CDK18: variants seen among roughly 807,000 people sequenced by gnomAD.
The protein encoded by CDK18 is cyclin-dependent kinase 18.
CDK18 carries 52 observed loss-of-function variants against 62.0 expected under a neutral mutation model. That is an observed-to-expected ratio of 0.84 (90% confidence interval 0.67 to 1.06). The LOEUF (loss-of-function observed/expected upper bound fraction) is 1.06. Ranked by LOEUF, CDK18 falls within the 50% of genes least tolerant of loss-of-function variation. CDK18 has a pLI of 0.00. For synonymous variants in CDK18, 237 were observed against 247.0 expected (o/e 0.96, Z 0.38); for missense variants, 604 against 619.9 (o/e 0.97, Z 0.27).
chr1:205,513,582 G>A (rs180796643), intron 1 of CDK18, among the ~76,000 whole-genome samples: 6 of 152,368 alleles, frequency 3.9e-5, no homozygotes, highest in African/African-American at 1.4e-4. Context: ...GAGCCACACA[G>A]AGGGGCTAGA....
intron 1 of CDK18, among the ~76,000 whole-genome samples, chr1:205,505,122 C>A (rs1667242818): frequency 6.6e-6 from 1 of 152,152 alleles, no homozygotes; most frequent in African/African-American, 2.4e-5. Context: ...CATCTGGGAT[C>A]ACTTTGGCCC....
intron 3 of CDK18, 137 bp downstream of exon 3, chr1:205,523,762 A>G: frequency 8.8e-7 from 1 of 1,141,694 alleles, no homozygotes. Flanking sequence ...TGTGACTTTG[A>G]GCAAGTTACT....
intron 11 of CDK18, 69 bp from the exon 12 acceptor site, chr1:205,529,255 C>A: frequency 6.9e-7 from 1 of 1,450,342 alleles, no homozygotes; most frequent in Admixed American, 1.7e-5. Context: ...TCATACATTG[C>A]ATCCCTTTCA....
intron 1 of CDK18, among the ~76,000 whole-genome samples, chr1:205,521,156 G>A (rs1668101996): frequency 6.6e-6 from 1 of 152,198 alleles, no homozygotes; most frequent in African/African-American, 2.4e-5. Flanking sequence ...CCCTTTACTT[G>A]CCTCTGAAAC....
intron 1 of CDK18, among the ~76,000 whole-genome samples, chr1:205,509,354 G>A (rs752607933): frequency 3.6e-4 from 54 of 152,032 alleles, no homozygotes; most frequent in Admixed American, 1.5e-3. Context: ...TGGTGGAGTC[G>A]GGATAGACAA....
chr1:205,511,114 C>T (rs1446171841), intron 1 of CDK18, among the ~76,000 whole-genome samples: 1 of 152,226 alleles, frequency 6.6e-6, no homozygotes, highest in Non-Finnish European at 1.5e-5. Context: ...GGCTCTTGGC[C>T]AAGTCCCGAC....
intron 1 of CDK18, among the ~76,000 whole-genome samples, chr1:205,509,605 T>C (rs1385220927): frequency 6.6e-6 from 1 of 152,218 alleles, no homozygotes; most frequent in Admixed American, 6.5e-5. Flanking sequence ...TCCAGTGAGA[T>C]AATGTCCACC....
Position 205,527,706 on chromosome 1 carries a change from C to A in CDK18, c.730-88C>A. The A allele has an allele frequency of 7.6e-7, 1 of 1,315,960 alleles. No homozygotes were observed. Among genetic ancestry groups the A allele is most frequent in the South Asian group, 1.3e-5 (1 of 77,428 alleles). 81.5% of individuals were successfully genotyped at this position (1,315,960 alleles called of 1,614,324 possible). A position where few individuals can be genotyped will look rare whatever the true frequency, so the allele number is the denominator to read the frequency against. ...TGAGGGGCTTGTGCTGACCTCACTG[C>A]CAAGCCCCTGCCCCCATCCTGGTCC... is the stretch of plus-strand genomic sequence containing the variant. On this transcript the variant is annotated intron_variant, in intron 8 of 15. Coordinates refer to ENST00000429964, the MANE Select transcript of CDK18 (RefSeq NM_212502.3). The surrounding 1 kb of genome is among the most constrained non-coding windows in gnomAD (Gnocchi z 4.1).
chr1:205,517,837 C>T lies in CDK18; in HGVS notation c.-21-5310C>T, dbSNP rs535518401. Among the ~76,000 whole-genome samples, 209 of 152,214 alleles carry T rather than the reference C, an allele frequency of 1.4e-3. 1 individual carries two copies. The highest frequency in any genetic ancestry group is 2.7e-3 in the Non-Finnish European group (182 of 68,012). Reference sequence around the variant, plus strand: ...TCCTGCCCGGGCTCCCTGCTCTCCCCTTGCTCCCCTTGTCTGTTCTCAACA... The same window carrying T: ...TCCTGCCCGGGCTCCCTGCTCTCCCTTTGCTCCCCTTGTCTGTTCTCAACA... On this transcript the variant is annotated intron_variant, in intron 1 of 15. Transcript: ENST00000429964. The surrounding 1 kb of genome is among the most constrained non-coding windows in gnomAD (Gnocchi z 4.1).
intron 1 of CDK18, chr1:205,522,847 A>G (rs1346668759): frequency 7.9e-6 from 2 of 253,664 alleles, no homozygotes; most frequent in Admixed American, 5.0e-5. Flanking sequence ...GCCTGCTATT[A>G]TGACCAATAC....
In CDK18 at chr1:205,527,783, C is replaced by A; in HGVS notation, c.730-11C>A. The A allele has an allele frequency of 1.2e-6, 2 of 1,613,532 alleles. No homozygotes were observed. The highest frequency in any genetic ancestry group is 1.7e-6 in the Non-Finnish European group (2 of 1,179,584). ...ACCTTCCACCCCACATTTCTCTTCCCCCTCCCCCAGATTTTCATGTTCCAG... is the reference window on the plus strand; with the variant it reads ...ACCTTCCACCCCACATTTCTCTTCCACCTCCCCCAGATTTTCATGTTCCAG... On this transcript the variant is annotated splice_polypyrimidine_tract_variant and intron_variant, in intron 8 of 15. Coordinates refer to ENST00000429964, the MANE Select transcript of CDK18 (RefSeq NM_212502.3). The surrounding 1 kb of genome is among the most constrained non-coding windows in gnomAD (Gnocchi z 4.1).
chr1:205,514,207 C>A (rs933042397), intron 1 of CDK18, among the ~76,000 whole-genome samples: 7 of 152,336 alleles, frequency 4.6e-5, no homozygotes, highest in Middle Eastern at 3.4e-3. Flanking sequence ...GGGACCATCA[C>A]CTGGCTGGGG....
chr1:205,527,147 G>A lies in CDK18; in HGVS notation c.729+310G>A. On this transcript the variant is annotated intron_variant, in intron 8 of 15. Transcript: ENST00000429964. The surrounding 1 kb of genome is among the most constrained non-coding windows in gnomAD (Gnocchi z 4.1). ...CCTGCCAAAATGCAGGGAGGCTTCTGGGGAAGCTCGGGGTTATGAATGACC... is the reference window on the plus strand; with the variant it reads ...CCTGCCAAAATGCAGGGAGGCTTCTAGGGAAGCTCGGGGTTATGAATGACC... The A allele has an allele frequency of 2.6e-6, 1 of 386,654 alleles. No homozygotes were observed. Among genetic ancestry groups the A allele is most frequent in the Admixed American group, 4.0e-5 (1 of 25,072 alleles). The allele number at this position is 386,654 out of a possible 1,614,324, so 24.0% of individuals were successfully genotyped here.
At chr1:205,515,173 A>ATTTTTTTTTTTTTTTTTTTTT (rs34027094) in intron 1 of CDK18, among the ~76,000 whole-genome samples, 1 of 117,766 alleles carries the variant, frequency 8.5e-6, no homozygotes, top group Non-Finnish European at 1.7e-5. Context: ...GCTTTGAAGG[A>ATTTTTTTTTTTTTTTTTTTTT]TTTTTTTTTT....
Position 205,526,510 on chromosome 1 carries a change from G to C in CDK18, c.666+49G>C, listed in dbSNP as rs200606903. On this transcript the variant is annotated intron_variant, in intron 7 of 15. Transcript: ENST00000429964. ...CGCCTCTCCCTCTTGTGGTGGAAACGGGGTGTGGGTAGGGGAGTGGGAAGC... is the reference window on the plus strand; with the variant it reads ...CGCCTCTCCCTCTTGTGGTGGAAACCGGGTGTGGGTAGGGGAGTGGGAAGC... 43 of 1,449,170 alleles carry C rather than the reference G, an allele frequency of 3.0e-5. No individual in the cohort carries two copies. The East Asian group carries it at 9.1e-4, about 31-fold the overall frequency. 89.8% of individuals were successfully genotyped at this position (1,449,170 alleles called of 1,614,324 possible). A position where few individuals can be genotyped will look rare whatever the true frequency, so the allele number is the denominator to read the frequency against.
chr1:205,521,416 G>C (rs1668121964), intron 1 of CDK18, among the ~76,000 whole-genome samples: 1 of 152,182 alleles, frequency 6.6e-6, no homozygotes, highest in Non-Finnish European at 1.5e-5. Flanking sequence ...GTTTCGCCAT[G>C]TTGGCCAGGC....
chr1:205,505,861 C>A (rs1054825625), intron 1 of CDK18, among the ~76,000 whole-genome samples: 2 of 152,120 alleles, frequency 1.3e-5, no homozygotes, highest in African/African-American at 2.4e-5. Context: ...GGCCCTGGAA[C>A]CTCTTCCGCG....
intron 1 of CDK18, among the ~76,000 whole-genome samples, chr1:205,522,107 G>T (rs574285371): frequency 1.3e-5 from 2 of 152,352 alleles, no homozygotes; most frequent in African/African-American, 4.8e-5. Context: ...AGACAGCGCT[G>T]CTCTGGGTTT....
Position 205,527,605 on chromosome 1 carries a change from T to C in CDK18, c.730-189T>C. 2 of 610,058 alleles carry C rather than the reference T, an allele frequency of 3.3e-6. No homozygotes were observed. Among genetic ancestry groups the C allele is most frequent in the Non-Finnish European group, 5.9e-6 (2 of 341,736 alleles). 37.8% of individuals were successfully genotyped at this position (610,058 alleles called of 1,614,324 possible). Reference sequence around the variant, plus strand: ...ACACTCACTGCGTCCTCTGCACCCCTGCTGTCCTCCCCTCTGGATGGGATT... The same window carrying C: ...ACACTCACTGCGTCCTCTGCACCCCCGCTGTCCTCCCCTCTGGATGGGATT... On this transcript the variant is annotated intron_variant, in intron 8 of 15. Coordinates refer to ENST00000429964, the MANE Select transcript of CDK18 (RefSeq NM_212502.3). This position sits in a 1 kb window ranked among gnomAD's most constrained non-coding sequence, Gnocchi z 4.1.
Sources: gnomAD v4.1 joint callset for allele counts (sites outside exome capture counted in the v4.1 genomes callset) on GRCh38, gnomAD v4.1.1 for gene constraint, Gnocchi (gnomAD v3.1) non-coding constraint, MANE v1.5 for transcripts, NCBI Gene and HGNC (gene_info 2026-07-23, HGNC 2026-07-21) for gene names.